WWOX: variants seen among roughly 807,000 people sequenced by gnomAD.
WWOX encodes the protein WW domain containing oxidoreductase.
Under a neutral mutation model 46.2 loss-of-function variants are expected in WWOX, and 69 were observed. The observed-to-expected ratio is 1.49, with a 90% CI of 1.23 to 1.82. The LOEUF is 1.82. WWOX is among the 40% of genes most tolerant of loss of function. The pLI, the probability that WWOX is intolerant of heterozygous loss-of-function variation, is 0.00. For synonymous variants in WWOX, 359 were observed against 202.6 expected (o/e 1.77, Z -6.56); for missense variants, 919 against 542.6 (o/e 1.69, Z -6.89).
intron 8 of WWOX, among the ~76,000 whole-genome samples, chr16:79,068,144 G>T (rs1383179747): frequency 6.6e-6 from 1 of 152,210 alleles, no homozygotes; most frequent in Non-Finnish European, 1.5e-5. Flanking sequence ...TATGTTAGTG[G>T]AATCTGGTAA....
At chr16:78,581,589 T>TA (rs1382979276) in intron 8 of WWOX, among the ~76,000 whole-genome samples, 1 of 152,196 alleles carries the variant, frequency 6.6e-6, no homozygotes, top group Non-Finnish European at 1.5e-5. Flanking sequence ...ATGTTTTTTT[T>TA]AACCAGTAAA....
chr16:78,810,076 G>A (rs1019819016), intron 8 of WWOX, among the ~76,000 whole-genome samples: 1 of 152,186 alleles, frequency 6.6e-6, no homozygotes. Context: ...AGCCCTTGAT[G>A]GAAATTTCCA....
At chr16:78,561,086 G>T (rs1182348732) in intron 8 of WWOX, among the ~76,000 whole-genome samples, 1 of 152,156 alleles carries the variant, frequency 6.6e-6, no homozygotes, top group Non-Finnish European at 1.5e-5. Context: ...CAGGATGCTG[G>T]CAGGATTCAG....
At chr16:79,167,690 CA>C (rs2050621947) in intron 8 of WWOX, among the ~76,000 whole-genome samples, 1 of 152,206 alleles carries the variant, frequency 6.6e-6, no homozygotes, top group Non-Finnish European at 1.5e-5. Context: ...ACAATGACTT[CA>C]AAAACCCTTG....
At chr16:79,114,457 C>G (rs899684588) in intron 8 of WWOX, among the ~76,000 whole-genome samples, 4 of 151,440 alleles carry the variant, frequency 2.6e-5, no homozygotes, top group Non-Finnish European at 5.9e-5. Context: ...TGCACACACA[C>G]AAGCAGAAGG....
chr16:79,070,265 C>A (rs1438666108), intron 8 of WWOX, among the ~76,000 whole-genome samples: 2 of 125,020 alleles, frequency 1.6e-5, no homozygotes, highest in Admixed American at 8.5e-5. Flanking sequence ...GAATGTGTTT[C>A]TGATGTGTGT....
chr16:78,476,866 C>G (rs1039747567), intron 8 of WWOX, among the ~76,000 whole-genome samples: 1 of 151,984 alleles, frequency 6.6e-6, no homozygotes, highest in Non-Finnish European at 1.5e-5. Context: ...TCCTTCCCTC[C>G]CTTCCTGATT....
At chr16:78,757,072 T>A in intron 8 of WWOX, 1 of 700,934 alleles carries the variant, frequency 1.4e-6, no homozygotes, top group South Asian at 1.5e-5. Flanking sequence ...TTGAGGTGAT[T>A]GCAGCCTTTG....
intron 8 of WWOX, among the ~76,000 whole-genome samples, chr16:78,887,468 AACACACACAC>A (rs78503110): frequency 0.15 from 19,723 of 135,866 alleles, 1,522 homozygotes; most frequent in South Asian, 0.26. Context: ...AAGTATATAA[AACACACACAC>A]ACACACACAC....
chr16:79,061,622 C>T (rs1408245352), intron 8 of WWOX, among the ~76,000 whole-genome samples: 2 of 152,164 alleles, frequency 1.3e-5, no homozygotes, highest in Non-Finnish European at 2.9e-5. Flanking sequence ...TGTGTGAGCA[C>T]TGATCCATGA....
intron 8 of WWOX, among the ~76,000 whole-genome samples, chr16:78,570,266 A>G (rs1030775785): frequency 3.3e-5 from 5 of 152,204 alleles, no homozygotes; most frequent in African/African-American, 1.2e-4. Context: ...AAACTTGCGT[A>G]TAAATGTCCA....
At chr16:78,250,670 G>T (rs2037960512) in intron 5 of WWOX, among the ~76,000 whole-genome samples, 1 of 152,162 alleles carries the variant, frequency 6.6e-6, no homozygotes, top group African/African-American at 2.4e-5. Flanking sequence ...ATATAGGGGA[G>T]AGAGTCCAGT....
intron 5 of WWOX, among the ~76,000 whole-genome samples, chr16:78,200,736 A>G (rs1394898886): frequency 1.3e-5 from 2 of 151,810 alleles, no homozygotes; most frequent in African/African-American, 4.8e-5. Flanking sequence ...AGAAAGTGTC[A>G]CCAAGTTCTG....
intron 8 of WWOX, among the ~76,000 whole-genome samples, chr16:78,513,740 C>G (rs147613251): frequency 1.0e-3 from 154 of 152,320 alleles, no homozygotes; most frequent in Non-Finnish European, 2.0e-3. Context: ...GTAAATGTCT[C>G]ATATACCCCT....
intron 5 of WWOX, among the ~76,000 whole-genome samples, chr16:78,361,528 CTA>C (rs547098880): frequency 1.1e-3 from 168 of 152,208 alleles, no homozygotes; most frequent in African/African-American, 3.9e-3. Flanking sequence ...CTAGTGGTGA[CTA>C]TGTATTTCCC....
chr16:78,592,746 A>C (rs2045380738), intron 8 of WWOX, among the ~76,000 whole-genome samples: 2 of 152,160 alleles, frequency 1.3e-5, no homozygotes, highest in South Asian at 4.1e-4. Flanking sequence ...ACAACAGAAA[A>C]TAAGTTGTTT....
intron 8 of WWOX, among the ~76,000 whole-genome samples, chr16:79,037,802 C>T (rs1243934117): frequency 1.3e-5 from 2 of 152,162 alleles, no homozygotes; most frequent in East Asian, 3.9e-4. Context: ...TTTTTATCCC[C>T]AAGGTCAGGA....
chr16:79,100,816 C>A (rs762637576), intron 8 of WWOX, among the ~76,000 whole-genome samples: 1 of 152,006 alleles, frequency 6.6e-6, no homozygotes, highest in South Asian at 2.1e-4. Context: ...TTTCCAGTCT[C>A]CCCGTGGAGC....
chr16:79,029,267 C>A (rs564116569), intron 8 of WWOX, among the ~76,000 whole-genome samples: 1 of 152,120 alleles, frequency 6.6e-6, no homozygotes, highest in South Asian at 2.1e-4. Context: ...AGTTTTCACG[C>A]GGAAACTGGA....
Sources: allele counts gnomAD v4.1 joint callset (sites outside exome capture counted in the v4.1 genomes callset), GRCh38; gene constraint gnomAD v4.1.1; transcripts MANE v1.5; gene names NCBI Gene and HGNC (gene_info 2026-07-23, HGNC 2026-07-21).